The following GALNTL6 variants were observed in gnomAD, a reference collection of about 807,000 sequenced individuals.
GALNTL6 encodes the protein polypeptide N-acetylgalactosaminyltransferase-like 6.
Under a neutral mutation model 73.7 loss-of-function variants are expected in GALNTL6, and 46 were observed. The ratio of observed to expected loss-of-function variants is 0.62; its 90% confidence interval spans 0.49 to 0.80. The LOEUF (loss-of-function observed/expected upper bound fraction) is 0.80, where lower values mean the gene tolerates loss of function less well. GALNTL6 is among the 30% of genes least tolerant of loss of function. The pLI is 0.00. For missense variants in GALNTL6, 604 were observed against 755.0 expected, an observed-to-expected ratio of 0.80 and a Z score of 2.34; for synonymous variants, 259 against 263.7, an observed-to-expected ratio of 0.98 and a Z score of 0.17.
chr4:172,896,662 C>G (rs1399675790), intron 8 of GALNTL6, among the ~76,000 whole-genome samples: 1 of 152,170 alleles, frequency 6.6e-6, no homozygotes, highest in Non-Finnish European at 1.5e-5. Flanking sequence ...TTGGCTCAAA[C>G]TGTACATGTT....
At chr4:172,873,393 C>T (rs935511942) in intron 7 of GALNTL6, among the ~76,000 whole-genome samples, 1 of 152,204 alleles carries the variant, frequency 6.6e-6, no homozygotes, top group Non-Finnish European at 1.5e-5. Flanking sequence ...AAGACAGGAG[C>T]TACATGGTCT....
At chr4:172,401,919 G>A (rs889833766) in intron 5 of GALNTL6, among the ~76,000 whole-genome samples, 1 of 137,846 alleles carries the variant, frequency 7.3e-6, no homozygotes, top group Admixed American at 7.4e-5. Context: ...GAGAGAGAGG[G>A]GGAGAGAGGG....
chr4:172,982,152 C>T (rs1751095196), intron 10 of GALNTL6, among the ~76,000 whole-genome samples: 1 of 152,176 alleles, frequency 6.6e-6, no homozygotes, highest in Non-Finnish European at 1.5e-5. Context: ...TTTCCATCTA[C>T]TTATGCCTTC....
At chr4:172,796,498 T>C (rs1239206394) in intron 5 of GALNTL6, among the ~76,000 whole-genome samples, 1 of 152,256 alleles carries the variant, frequency 6.6e-6, no homozygotes, top group East Asian at 1.9e-4. Flanking sequence ...ACATTTATTA[T>C]TATGTCCATA....
chr4:171,967,407 C>G (rs1739415094), intron 2 of GALNTL6, among the ~76,000 whole-genome samples: 1 of 148,958 alleles, frequency 6.7e-6, no homozygotes, highest in Non-Finnish European at 1.5e-5. Context: ...TCAACAATAA[C>G]AAGTTTGTGA....
intron 2 of GALNTL6, among the ~76,000 whole-genome samples, chr4:172,118,727 AAAAC>A (rs1341691014): frequency 2.0e-5 from 3 of 151,806 alleles, no homozygotes; most frequent in African/African-American, 7.2e-5. Context: ...AAAAAACCAA[AAAAC>A]AAACAAACAA....
intron 5 of GALNTL6, among the ~76,000 whole-genome samples, chr4:172,604,160 G>C (rs10520238): frequency 0.031 from 4,663 of 152,230 alleles, 109 homozygotes; most frequent in South Asian, 0.086. Context: ...TGAAAAGTGT[G>C]TAAACTGGAG....
intron 2 of GALNTL6, among the ~76,000 whole-genome samples, chr4:172,012,939 A>G (rs1422751078): frequency 6.6e-6 from 1 of 151,954 alleles, no homozygotes; most frequent in Non-Finnish European, 1.5e-5. Flanking sequence ...CTCTGGTACA[A>G]CCCTGTGTTG....
chr4:172,662,778 C>A (rs957243880), intron 5 of GALNTL6, among the ~76,000 whole-genome samples: 1 of 151,928 alleles, frequency 6.6e-6, no homozygotes, highest in Non-Finnish European at 1.5e-5. Context: ...GAAAGCTGGG[C>A]AAATAAGCAA....
intron 2 of GALNTL6, among the ~76,000 whole-genome samples, chr4:171,991,698 T>A (rs563737217): frequency 1.3e-4 from 19 of 144,450 alleles, no homozygotes; most frequent in Non-Finnish European, 1.7e-4. Context: ...AGACCAGAAG[T>A]TGAGTTTGAT....
rs751535107 is a variant in GALNTL6, at chr4:172,909,307, T to A, written c.1042-21854T>A. ...TAGAGATAGTCTCCTAAGTGTGTTT[T>A]AAAAAAAAAAAAAAACTAGAAGCAA... On this transcript the variant is annotated intron_variant, in intron 8 of 12. Coordinates refer to ENST00000506823, the MANE Select transcript of GALNTL6 (RefSeq NM_001034845.3). 5.8e-3 allele frequency among the ~76,000 whole-genome samples: 799 copies of A among 138,930 alleles called. 5 individuals are homozygous for A. The highest frequency in any genetic ancestry group is 0.011 in the Middle Eastern group (3 of 264). 91.1% of individuals were successfully genotyped at this position (138,930 alleles called of 152,430 possible).
chr4:172,121,971 A>T (rs1192901621), intron 2 of GALNTL6, among the ~76,000 whole-genome samples: 1 of 150,968 alleles, frequency 6.6e-6, no homozygotes, highest in Non-Finnish European at 1.5e-5. Flanking sequence ...TTTTTTTTTA[A>T]CCACGTGGCC....
At chr4:172,447,179 G>A (rs1222949360) in intron 5 of GALNTL6, among the ~76,000 whole-genome samples, 1 of 152,116 alleles carries the variant, frequency 6.6e-6, no homozygotes, top group East Asian at 1.9e-4. Flanking sequence ...CAAAGAGCAG[G>A]AAAAGAGTCT....
intron 2 of GALNTL6, among the ~76,000 whole-genome samples, chr4:171,826,656 A>G (rs1380501690): frequency 6.6e-6 from 1 of 152,120 alleles, no homozygotes; most frequent in Non-Finnish European, 1.5e-5. Context: ...AAAGCCGCAT[A>G]TCATTAGTCG....
intron 2 of GALNTL6, among the ~76,000 whole-genome samples, chr4:171,836,167 C>T (rs149901667): frequency 4.6e-5 from 7 of 151,942 alleles, no homozygotes; most frequent in African/African-American, 1.7e-4. Flanking sequence ...GATATCAGAC[C>T]CTCAAGAAAA....
chr4:172,889,711 GTTTTC>G (rs1745924487), intron 8 of GALNTL6, among the ~76,000 whole-genome samples: 2 of 152,022 alleles, frequency 1.3e-5, no homozygotes, highest in Admixed American at 1.3e-4. Context: ...CTAGCCTGTA[GTTTTC>G]TTTTTTCATT....
At chr4:172,899,042 T>C (rs1372723002) in intron 8 of GALNTL6, among the ~76,000 whole-genome samples, 1 of 152,072 alleles carries the variant, frequency 6.6e-6, no homozygotes, top group African/African-American at 2.4e-5. Flanking sequence ...CATGACCCTC[T>C]CAGGCAGACC....
chr4:172,186,684 C>T lies in GALNTL6; in HGVS notation c.139-42972C>T, dbSNP rs562535881. ...GTCATAGAAACTAAACACAAAAGGTCATATACTATATCATTTCATTTATAT... is the reference window on the plus strand; with the variant it reads ...GTCATAGAAACTAAACACAAAAGGTTATATACTATATCATTTCATTTATAT... On this transcript the variant is annotated intron_variant, in intron 2 of 12. Coordinates refer to ENST00000506823, the MANE Select transcript of GALNTL6 (RefSeq NM_001034845.3). Among the ~76,000 whole-genome samples the T allele has an allele frequency of 1.6e-4, 24 of 152,108 alleles. No homozygotes were observed. In the East Asian group the frequency reaches 4.6e-3, roughly 29 times the overall value.
rs182615443 is a variant in GALNTL6, at chr4:172,333,298, G to A, written c.387-15225G>A. ...TGCATGCCTGTAATCCCAGCTACTC[G>A]GGAGGCTGAGGCAGAGGAATCGCTT... On this transcript the variant is annotated intron_variant, in intron 4 of 12. Transcript: ENST00000506823. Among the ~76,000 whole-genome samples, 303 of 152,172 alleles carry A rather than the reference G, an allele frequency of 2.0e-3. 1 individual carries two copies. The highest frequency in any genetic ancestry group is 6.9e-3 in the African/African-American group (285 of 41,508).
Sources: allele counts gnomAD v4.1 joint callset (sites outside exome capture counted in the v4.1 genomes callset), GRCh38; gene constraint gnomAD v4.1.1; transcripts MANE v1.5; gene names NCBI Gene and HGNC (gene_info 2026-07-23, HGNC 2026-07-21).